Variants in RIOK2 observed in about 807,000 individuals in gnomAD.
The protein encoded by RIOK2 is RIO kinase 2, also known as serine/threonine-protein kinase RIO2.
In RIOK2, 46 loss-of-function variants were observed where a neutral mutation model predicts 62.4. The ratio of observed to expected loss-of-function variants is 0.74; its 90% CI spans 0.58 to 0.94. The LOEUF is 0.94. RIOK2 is among the 40% of genes least tolerant of loss of function. The pLI is 0.00. For missense variants in RIOK2, 574 were observed against 658.0 expected (o/e 0.87, Z 1.40); for synonymous variants, 197 against 216.0 (o/e 0.91, Z 0.77).
At chr5:97,163,976 G>A (rs1240898737) in intron 9 of RIOK2, among the ~76,000 whole-genome samples, 1 of 152,042 alleles carries the variant, frequency 6.6e-6, no homozygotes, top group East Asian at 2.0e-4. Context: ...CACGGTGGCT[G>A]CAACCTCCTG....
intron 4 of RIOK2, among the ~76,000 whole-genome samples, chr5:97,174,389 T>C (rs918118185): frequency 6.6e-6 from 1 of 152,096 alleles, no homozygotes; most frequent in Non-Finnish European, 1.5e-5. Context: ...CACTGCATTC[T>C]AGCCTGGGTG....
At position 97,173,190 on chromosome 5, in the gene RIOK2, A is replaced by G. The variant is rs748950064; in HGVS notation, c.572T>C (p.Ile191Thr). 1.9e-6 allele frequency: 3 copies of G among 1,610,102 alleles called. No homozygotes were observed. Among genetic ancestry groups the G allele is most frequent in the Non-Finnish European group, 2.5e-6 (3 of 1,176,954 alleles). Residue 191 changes from isoleucine (I) to threonine (T), a missense_variant, in exon 5 of 10, where the codon ATA (isoleucine) becomes ACA (threonine). Ile to Thr is a moderately conservative substitution (Grantham distance 89, BLOSUM62 -1). Transcript: ENST00000283109. The part of the protein sequence containing the change: ...YNRHAVVMEL[I>T]NGYPLCQIHH... ...GAATACTTACAGTGGATAACCATTT[A>G]TGAGTTCCATGACCACTGCATGACG...
chr5:97,182,711 CTGAA>C (rs1342389747), intron 1 of RIOK2: 2 of 216,362 alleles, frequency 9.2e-6, no homozygotes, highest in African/African-American at 5.1e-5. Context: ...TATGTGTTGA[CTGAA>C]TGAATCAGAA....
At chr5:97,178,928 G>C in intron 2 of RIOK2, 127 bp downstream of exon 2, 1 of 1,043,044 alleles carries the variant, frequency 9.6e-7, no homozygotes, top group Non-Finnish European at 1.4e-6. Context: ...TGGCCGAAGT[G>C]TGTTCTGTCA....
At chr5:97,168,882 G>T in intron 6 of RIOK2, 30 bp from the exon 7 acceptor site, 1 of 1,347,858 alleles carries the variant, frequency 7.4e-7, no homozygotes, top group Non-Finnish European at 1.0e-6. Flanking sequence ...TTATGATATA[G>T]TCTTTATTGC....
intron 9 of RIOK2, among the ~76,000 whole-genome samples, chr5:97,163,625 G>C (rs1748763733): frequency 1.3e-5 from 2 of 152,152 alleles, no homozygotes; most frequent in African/African-American, 4.8e-5. Flanking sequence ...TTCAGCTGTA[G>C]AATTGACCTG....
chr5:97,163,406 C>T (rs1353194293), intron 9 of RIOK2, among the ~76,000 whole-genome samples, 181 bp from the exon 10 acceptor site: 5 of 151,922 alleles, frequency 3.3e-5, no homozygotes, highest in Non-Finnish European at 7.4e-5. Flanking sequence ...GATTATATAG[C>T]AAAAAATATA....
chr5:97,180,423 A>C (rs1259792450), intron 1 of RIOK2, among the ~76,000 whole-genome samples: 1 of 152,090 alleles, frequency 6.6e-6, no homozygotes, highest in African/African-American at 2.4e-5. Context: ...ATATGCAAGA[A>C]AGTACTGACC....
At chr5:97,168,616 G>T (rs371482651) in intron 7 of RIOK2, 144 bp downstream of exon 7, 13 of 450,290 alleles carry the variant, frequency 2.9e-5, no homozygotes, top group African/African-American at 1.2e-4. Flanking sequence ...TTAAGTTTCA[G>T]TTATGTACTA....
At chr5:97,177,043 C>T in intron 4 of RIOK2, 73 bp downstream of exon 4, 1 of 1,257,972 alleles carries the variant, frequency 7.9e-7, no homozygotes, top group Non-Finnish European at 1.1e-6. Context: ...CAGAATCACA[C>T]TTGTCATTAA....
At chr5:97,178,050 A>G (rs903403452) in intron 2 of RIOK2, among the ~76,000 whole-genome samples, 1 of 152,248 alleles carries the variant, frequency 6.6e-6, no homozygotes, top group Non-Finnish European at 1.5e-5. Flanking sequence ...ACCTACAGAC[A>G]GGTCTGTAAG....
intron 7 of RIOK2, 29 bp from the exon 8 acceptor site, chr5:97,168,020 A>T (rs771346487): frequency 1.7e-5 from 26 of 1,541,040 alleles, no homozygotes; most frequent in Non-Finnish European, 2.2e-5. Flanking sequence ...AAGCATAGAA[A>T]GAGAGAAAAA....
intron 1 of RIOK2, among the ~76,000 whole-genome samples, 170 bp from the exon 2 acceptor site, chr5:97,179,363 T>C (rs79368739): frequency 0.018 from 2,702 of 152,336 alleles, 66 homozygotes; most frequent in African/African-American, 0.061. Context: ...CAATTTGAAA[T>C]CTAATCATTG....
chr5:97,180,347 G>A (rs1418992270), intron 1 of RIOK2, among the ~76,000 whole-genome samples: 1 of 151,320 alleles, frequency 6.6e-6, no homozygotes, highest in Non-Finnish European at 1.5e-5. Flanking sequence ...ACTTTTAAAA[G>A]ATGTGGGCAT....
chr5:97,173,673 G>A (rs1272657570), intron 4 of RIOK2, among the ~76,000 whole-genome samples: 1 of 152,048 alleles, frequency 6.6e-6, no homozygotes, highest in East Asian at 1.9e-4. Flanking sequence ...TATTTAAATT[G>A]GAAACAAATT....
chr5:97,180,004 TTATATATATATAA>T (rs1749312373), intron 1 of RIOK2, among the ~76,000 whole-genome samples: 2 of 36,692 alleles, frequency 5.5e-5, no homozygotes, highest in African/African-American at 9.0e-5. Context: ...TATATATATA[TTATATATATATAA>T]TATATATATA....
intron 7 of RIOK2, among the ~76,000 whole-genome samples, chr5:97,168,548 G>A (rs1194820660): frequency 6.6e-6 from 1 of 152,120 alleles, no homozygotes; most frequent in Non-Finnish European, 1.5e-5. Flanking sequence ...AGATATGTCC[G>A]CTTCCTAAAA....
chr5:97,179,300 C>A, intron 1 of RIOK2, 107 bp from the exon 2 acceptor site: 1 of 947,702 alleles, frequency 1.1e-6, no homozygotes. Context: ...ATGCAGTTCT[C>A]CAACTAATTC....
intron 8 of RIOK2, chr5:97,166,292 CT>C (rs1561515667): frequency 4.4e-6 from 2 of 455,308 alleles, no homozygotes; most frequent in South Asian, 3.1e-5. Context: ...TCTGTCACCC[CT>C]CTTTTCCTTT....
Sources: allele counts gnomAD v4.1 joint callset (sites outside exome capture counted in the v4.1 genomes callset), GRCh38; gene constraint gnomAD v4.1.1; transcripts MANE v1.5; gene names NCBI Gene and HGNC (gene_info 2026-07-23, HGNC 2026-07-21).